The following BTNL8 variants were observed in gnomAD, a reference collection of about 807,000 sequenced individuals.
BTNL8 encodes the protein butyrophilin-like protein 8.
BTNL8 carries 22 observed loss-of-function variants against 36.1 expected under a neutral mutation model. The observed-to-expected ratio is 0.61, with a 90% confidence interval of 0.44 to 0.87. The LOEUF is 0.87. BTNL8 is among the 40% of genes least tolerant of loss of function. The probability of loss-of-function intolerance (pLI) is 0.00; values close to 1 mark genes in which losing one functional copy is unlikely to be tolerated. For missense variants in BTNL8, 526 were observed against 616.9 expected (o/e 0.85, Z 1.56); for synonymous variants, 203 against 235.6 (o/e 0.86, Z 1.27).
intron 3 of BTNL8, among the ~76,000 whole-genome samples, chr5:180,940,533 A>G (rs1357999521): frequency 6.6e-6 from 1 of 152,176 alleles, no homozygotes; most frequent in Admixed American, 6.5e-5. Flanking sequence ...AATTTTGTAG[A>G]AGGAAATAAA....
Position 180,899,199 on chromosome 5 carries a change from C to A in BTNL8, c.-112C>A. The A allele has an allele frequency of 7.7e-7, 1 of 1,302,250 alleles. No homozygotes were observed. Among genetic ancestry groups the A allele is most frequent in the Non-Finnish European group, 1.1e-6 (1 of 905,800 alleles). 80.7% of individuals were successfully genotyped at this position (1,302,250 alleles called of 1,614,324 possible). A position where few individuals can be genotyped will look rare whatever the true frequency, so the allele number is the denominator to read the frequency against. On this transcript the variant is annotated 5_prime_UTR_variant, in exon 1 of 8. Transcript: ENST00000340184. Reference sequence around the variant, plus strand: ...GCCCTCCGCTCACGCAGAGCCTCTCCGTGGCTTCCGCACCTTGAGCATTAG... The same window carrying A: ...GCCCTCCGCTCACGCAGAGCCTCTCAGTGGCTTCCGCACCTTGAGCATTAG...
intron 3 of BTNL8, among the ~76,000 whole-genome samples, chr5:180,915,411 T>C (rs77740827): frequency 0.028 from 4,317 of 152,292 alleles, 108 homozygotes; most frequent in East Asian, 0.11. Flanking sequence ...TTTTAGGGAA[T>C]TGCCCTAGGG....
chr5:180,936,403 T>C (rs1389514992), intron 3 of BTNL8, among the ~76,000 whole-genome samples: 2 of 152,030 alleles, frequency 1.3e-5, no homozygotes, highest in African/African-American at 4.8e-5. Flanking sequence ...TGTTGAAAGA[T>C]ACAACATCAA....
chr5:180,928,550 G>A (rs1758211944), intron 3 of BTNL8, among the ~76,000 whole-genome samples: 3 of 152,196 alleles, frequency 2.0e-5, no homozygotes. Context: ...ACCCATTAAT[G>A]TGCTATATTC....
rs1489458851 is a variant in BTNL8 at position 180,949,230 on chromosome 5, T to G, written c.836-9T>G. The G allele has an allele frequency of 8.9e-6, 13 of 1,457,300 alleles. 1 individual carries two copies. The African/African-American group carries it at 1.9e-4, about 21-fold the overall frequency. The allele number at this position is 1,457,300 out of a possible 1,614,324, so 90.3% of individuals were successfully genotyped here. On this transcript the variant is annotated splice_polypyrimidine_tract_variant and intron_variant, in intron 6 of 7. Transcript: ENST00000340184. ...CACTGAACTGCCTGCTCTGTCTGCT[T>G]GCTTTCAGAATTGAGAGACGCCCGG...
At chr5:180,932,854 T>G (rs1042716761) in intron 3 of BTNL8, among the ~76,000 whole-genome samples, 3 of 152,120 alleles carry the variant, frequency 2.0e-5, no homozygotes, top group Non-Finnish European at 2.9e-5. Flanking sequence ...TGTAAATGGG[T>G]TAAATTCTCC....
rs370406535 is a variant in BTNL8 at position 180,949,191 on chromosome 5, G to A, written c.836-48G>A. The stretch of plus-strand genomic sequence containing the variant: ...GGTCTTTCCCTTCTCCCTGCGCCCT[G>A]TTTCCCACGTGAGCACTGAACTGCC... On this transcript the variant is annotated intron_variant, in intron 6 of 7. Coordinates refer to ENST00000340184, the MANE Select transcript of BTNL8 (RefSeq NM_001040462.3). The A allele has an allele frequency of 2.1e-6, 3 of 1,445,072 alleles. 1 individual carries two copies. The highest frequency in any genetic ancestry group is 1.9e-5 in the Admixed American group (1 of 51,906). The allele number at this position is 1,445,072 out of a possible 1,614,324, so 89.5% of individuals were successfully genotyped here.
intron 3 of BTNL8, among the ~76,000 whole-genome samples, chr5:180,925,933 G>C (rs530094133): frequency 6.6e-6 from 1 of 152,302 alleles, no homozygotes; most frequent in Admixed American, 6.5e-5. Flanking sequence ...GTTTTTGTAT[G>C]TGATTAAAGT....
intron 1 of BTNL8, among the ~76,000 whole-genome samples, chr5:180,908,236 G>C (rs1368306492): frequency 6.6e-6 from 1 of 152,064 alleles, no homozygotes. Flanking sequence ...TAAGCCCATC[G>C]GAAAAGCGCA....
intron 3 of BTNL8, among the ~76,000 whole-genome samples, chr5:180,938,124 G>C (rs1400186348): frequency 6.6e-6 from 1 of 151,796 alleles, no homozygotes; most frequent in Non-Finnish European, 1.5e-5. Flanking sequence ...AAGAATTTCT[G>C]AACTTGAAGA....
rs1757252176 is a variant in BTNL8 at position 180,908,936 on chromosome 5, C to G, written c.397+3C>G. The G allele has an allele frequency of 6.2e-7, 1 of 1,607,364 alleles. No individual in the cohort carries two copies. The highest frequency in any genetic ancestry group is 1.1e-5 in the South Asian group (1 of 90,702). Reference sequence around the variant, plus strand: ...CATCTGGGAGCTACAGGTGTCAGGTCAGTTTCATATTTCATAACTTAGTTG... The same window carrying G: ...CATCTGGGAGCTACAGGTGTCAGGTGAGTTTCATATTTCATAACTTAGTTG... On this transcript the variant is annotated splice_donor_region_variant and intron_variant, in intron 2 of 7. Transcript: ENST00000340184.
chr5:180,917,783 C>T (rs994060064), intron 3 of BTNL8, among the ~76,000 whole-genome samples: 1 of 151,252 alleles, frequency 6.6e-6, no homozygotes, highest in Non-Finnish European at 1.5e-5. Context: ...AATCCCAGCA[C>T]TCTGGGAGGC....
chr5:180,933,412 G>A (rs1582048455), intron 3 of BTNL8, among the ~76,000 whole-genome samples: 1 of 152,216 alleles, frequency 6.6e-6, no homozygotes, highest in African/African-American at 2.4e-5. Context: ...CACATAAAAA[G>A]TTTTAAATTT....
At chr5:180,930,977 G>A (rs977072089) in intron 3 of BTNL8, among the ~76,000 whole-genome samples, 3 of 152,056 alleles carry the variant, frequency 2.0e-5, no homozygotes, top group South Asian at 2.1e-4. Context: ...AGTTCATATG[G>A]AACCACAAAA....
rs555212507 is a variant in BTNL8, at chr5:180,908,233, A to G, written c.50-353A>G. On this transcript the variant is annotated intron_variant, in intron 1 of 7. Coordinates refer to ENST00000340184, the MANE Select transcript of BTNL8 (RefSeq NM_001040462.3). ...TCGTGGTGCGCCGTTTCTTAAGCCC[A>G]TCGGAAAAGCGCAATATTCGGGTGG... is the stretch of plus-strand genomic sequence containing the variant. 4.5e-4 allele frequency among the ~76,000 whole-genome samples: 68 copies of G among 152,132 alleles called. 1 individual carries two copies. The East Asian group carries it at 0.012, about 27-fold the overall frequency.
intron 3 of BTNL8, among the ~76,000 whole-genome samples, chr5:180,945,516 G>A (rs1759190706): frequency 6.6e-6 from 1 of 152,192 alleles, no homozygotes; most frequent in Non-Finnish European, 1.5e-5. Flanking sequence ...TTAACAAGGT[G>A]AAGGACTACC....
intron 1 of BTNL8, among the ~76,000 whole-genome samples, chr5:180,907,665 T>C (rs1328402141): frequency 1.3e-5 from 2 of 151,896 alleles, no homozygotes; most frequent in African/African-American, 4.8e-5. Context: ...TGTCTACTTT[T>C]GGTCTTTGAT....
At chr5:180,907,871 C>T (rs968446402) in intron 1 of BTNL8, among the ~76,000 whole-genome samples, 2 of 151,092 alleles carry the variant, frequency 1.3e-5, no homozygotes, top group African/African-American at 4.9e-5. Context: ...AGGCAGTCTG[C>T]CAGTTCTCAG....
At chr5:180,940,203 G>C (rs1256117948) in intron 3 of BTNL8, among the ~76,000 whole-genome samples, 1 of 152,016 alleles carries the variant, frequency 6.6e-6, no homozygotes, top group Non-Finnish European at 1.5e-5. Context: ...AAAATTGGCT[G>C]AGCATGGTGG....
Sources: allele counts gnomAD v4.1 joint callset (sites outside exome capture counted in the v4.1 genomes callset), GRCh38; gene constraint gnomAD v4.1.1; transcripts MANE v1.5; gene names NCBI Gene and HGNC (gene_info 2026-07-23, HGNC 2026-07-21).